PRR12: variants seen among roughly 807,000 people sequenced by gnomAD.
The protein encoded by PRR12 is proline rich 12.
PRR12 carries 12 observed loss-of-function variants against 138.0 expected under a neutral mutation model. That is an observed-to-expected ratio of 0.09 (90% CI 0.06 to 0.14). The LOEUF is 0.14. PRR12 is among the 10% of genes least tolerant of loss of function. PRR12 has a pLI of 1.00. For synonymous variants in PRR12, 1,567 were observed against 1,291.7 expected, an observed-to-expected ratio of 1.21 and a Z score of -4.57; for missense variants, 2,692 against 2,861.3, an observed-to-expected ratio of 0.94 and a Z score of 1.35.
intron 4 of PRR12, among the ~76,000 whole-genome samples, chr19:49,598,240 G>GT (rs201844794): frequency 3.3e-5 from 5 of 151,770 alleles, no homozygotes; most frequent in African/African-American, 1.2e-4. Context: ...CGCCCGGCTA[G>GT]TTTTTTTGTA....
chr19:49,607,694 C>T (rs1462204610), intron 6 of PRR12, among the ~76,000 whole-genome samples: 2 of 141,936 alleles, frequency 1.4e-5, no homozygotes, highest in African/African-American at 2.7e-5. Flanking sequence ...GGTGACAGAG[C>T]GAGACCCTGT....
chr19:49,626,196 A>G lies in PRR12; in HGVS notation c.*589A>G, dbSNP rs1458202438. ...AGGGTCCCCTCTCTCTGCCCCTCCCACTCCTTTTCTACGGCGATTTGTCTG... is the reference window on the plus strand; with the variant it reads ...AGGGTCCCCTCTCTCTGCCCCTCCCGCTCCTTTTCTACGGCGATTTGTCTG... On this transcript the variant is annotated 3_prime_UTR_variant, in exon 14 of 14. Coordinates refer to ENST00000418929, the MANE Select transcript of PRR12 (RefSeq NM_020719.3). 1.3e-5 allele frequency: 2 copies of G among 150,228 alleles called. No individual in the cohort carries two copies. The highest frequency in any genetic ancestry group is 3.0e-5 in the Non-Finnish European group (2 of 67,514). 9.3% of individuals were successfully genotyped at this position (150,228 alleles called of 1,614,324 possible). A position where few individuals can be genotyped will look rare whatever the true frequency, so the allele number is the denominator to read the frequency against.
chr19:49,609,206 C>A (rs2080853314), intron 6 of PRR12, among the ~76,000 whole-genome samples: 1 of 151,992 alleles, frequency 6.6e-6, no homozygotes, highest in Non-Finnish European at 1.5e-5. Flanking sequence ...TCCCAGCTAC[C>A]CTAGAGGCTG....
rs1426587168 is a variant in PRR12, at chr19:49,597,405, G to A, written c.3070G>A (p.Ala1024Thr). Reference sequence around the variant, plus strand: ...GCCTGAACTGCCCTCCACGGTCAACGCCGAGCCGCTGGGCCTGATCCAGAG... The same window carrying A: ...GCCTGAACTGCCCTCCACGGTCAACACCGAGCCGCTGGGCCTGATCCAGAG... ...KPPELPSTVN[A>T]EPLGLIQSGP... Residue 1024 changes from alanine (A) to threonine (T), a missense_variant, in exon 4 of 14, where the codon GCC (alanine) becomes ACC (threonine). By Grantham distance (58) the Ala-to-Thr change is moderately conservative. Transcript: ENST00000418929. This position sits in a 1 kb window ranked among gnomAD's most constrained non-coding sequence, Gnocchi z 6.3. The A allele has an allele frequency of 2.6e-6, 4 of 1,537,588 alleles. No homozygotes were observed. The highest frequency in any genetic ancestry group is 4.9e-5 in the East Asian group (2 of 40,836).
chr19:49,596,353 G>A lies in PRR12; in HGVS notation c.2018G>A (p.Gly673Glu), dbSNP rs1202941397. Residue 673 changes from glycine to glutamate, a missense_variant, in exon 4 of 14, where the codon GGA becomes GAA. Coordinates refer to ENST00000418929, the MANE Select transcript of PRR12 (RefSeq NM_020719.3). This position sits in a 1 kb window ranked among gnomAD's most constrained non-coding sequence, Gnocchi z 5.6. ...GEDGAADASK[G>E]LGGSGGAGGP... ...GACGGGGCAGCAGATGCCTCTAAGG[G>A]ACTTGGGGGGAGTGGCGGGGCCGGG... 6.2e-7 allele frequency: 1 copy of A among 1,609,640 alleles called. No individual in the cohort carries two copies. Among genetic ancestry groups the A allele is most frequent in the Non-Finnish European group, 8.5e-7 (1 of 1,179,514 alleles).
At position 49,614,695 on chromosome 19, in the gene PRR12, G is replaced by T. The variant is rs751376858; in HGVS notation, c.4890+46G>T. The stretch of plus-strand genomic sequence containing the variant: ...AAGGACTTGGGGGCCCCGGGGCGTG[G>T]TATCTAGGAGCTGGGGTTCCCCTTA... On this transcript the variant is annotated intron_variant, in intron 7 of 13. Coordinates refer to ENST00000418929, the MANE Select transcript of PRR12 (RefSeq NM_020719.3). This position sits in a 1 kb window ranked among gnomAD's most constrained non-coding sequence, Gnocchi z 5.0. The T allele has an allele frequency of 8.2e-5, 124 of 1,513,120 alleles. No homozygotes were observed. Among genetic ancestry groups the T allele is most frequent in the Non-Finnish European group, 1.0e-4 (114 of 1,115,428 alleles). 93.7% of individuals were successfully genotyped at this position (1,513,120 alleles called of 1,614,324 possible).
intron 6 of PRR12, among the ~76,000 whole-genome samples, chr19:49,609,859 G>T (rs1236661281): frequency 6.6e-6 from 1 of 152,178 alleles, no homozygotes; most frequent in Non-Finnish European, 1.5e-5. Flanking sequence ...GCCGTTTAGA[G>T]CCCCTGGCCA....
chr19:49,593,210 A>C (rs2080740951), intron 1 of PRR12, 117 bp from the exon 2 acceptor site: 2 of 609,970 alleles, frequency 3.3e-6, no homozygotes, highest in Non-Finnish European at 2.9e-6. Flanking sequence ...TCCTTAGCTT[A>C]ACACCCCCCA....
chr19:49,601,896 C>G lies in PRR12; in HGVS notation c.4751C>G (p.Ala1584Gly). The change falls in exon 6 of 14, where the codon GCT becomes GGT. Residue 1584 changes from alanine to glycine, a missense_variant. Physicochemically the swap from Ala to Gly is moderately conservative, Grantham distance 60. Around this residue, in one of 11 missense-constraint regions of PRR12, gnomAD observed 92 missense variants for 174.1 expected, o/e 0.53. Coordinates refer to ENST00000418929, the MANE Select transcript of PRR12 (RefSeq NM_020719.3). ...FRERDEFVIR[A>G]EDIPSLKLAL... ...GAACGGGACGAGTTCGTCATCCGTG[C>G]TGAGGACATCCCTTCCCTCAAGGTG... 1 of 1,612,014 alleles carries G rather than the reference C, an allele frequency of 6.2e-7. No homozygotes were observed. The highest frequency in any genetic ancestry group is 1.3e-5 in the African/African-American group (1 of 75,012).
intron 6 of PRR12, among the ~76,000 whole-genome samples, chr19:49,612,099 C>T (rs1458305002): frequency 6.6e-6 from 1 of 151,630 alleles, no homozygotes; most frequent in African/African-American, 2.4e-5. Flanking sequence ...AGCGTGGTGG[C>T]ATGTGCCTCT....
chr19:49,592,062 C>G (rs563668897), intron 1 of PRR12, among the ~76,000 whole-genome samples: 5 of 152,148 alleles, frequency 3.3e-5, no homozygotes, highest in Admixed American at 3.3e-4. Context: ...CTTGGATTCC[C>G]GGCTTGGTGA....
chr19:49,620,499 A>C (rs547291622), intron 10 of PRR12, 22 bp downstream of exon 10: 131 of 1,180,528 alleles, frequency 1.1e-4, no homozygotes, highest in East Asian at 2.3e-4. Context: ...CCTGGGGAGG[A>C]GGGGGGGGGG....
At position 49,595,465 on chromosome 19, in the gene PRR12, G is replaced by A. The variant is rs201908223; in HGVS notation, c.1130G>A (p.Gly377Asp). 1 of 1,549,968 alleles carries A rather than the reference G, an allele frequency of 6.5e-7. No homozygotes were observed. The highest frequency in any genetic ancestry group is 1.2e-5 in the South Asian group (1 of 84,122). ...AAGGGGAGGG[G>D]GGYRPIIQSP... ...GGGGGCGGTGGGGCTGGGGGTGGTG[G>A]TGGAGGTTACCGCCCCATCATTCAG... Residue 377 changes from glycine to aspartate, a missense_variant, in exon 4 of 14, where the codon GGT (glycine) becomes GAT (aspartate). By Grantham distance (94) the Gly-to-Asp change is moderately conservative. This residue lies in a region of PRR12 where 523 missense variants were observed against 496.4 expected (regional missense o/e 1.05). Coordinates refer to ENST00000418929, the MANE Select transcript of PRR12 (RefSeq NM_020719.3).
chr19:49,591,709 G>A lies in PRR12; in HGVS notation c.55G>A (p.Gly19Arg). The change falls in exon 1 of 14, where the codon GGA becomes AGA. Residue 19 changes from glycine (G) to arginine (R), a missense_variant. By Grantham distance (125) the Gly-to-Arg change is moderately radical. This residue lies in a region of PRR12 where 211 missense variants were observed against 266.3 expected (regional missense o/e 0.79). Coordinates refer to ENST00000418929, the MANE Select transcript of PRR12 (RefSeq NM_020719.3). ...CGGGGACCCGCTCGGCGCCGGGGCG[G>A]GATGGAGTTACGAGAGGTCAGCGAA... is the stretch of plus-strand genomic sequence containing the variant. ...GFGDPLGAGAGWSYERSAKAS... is the reference protein window; with the variant it reads ...GFGDPLGAGARWSYERSAKAS... The A allele has an allele frequency of 6.6e-7, 1 of 1,514,574 alleles. No homozygotes were observed. Among genetic ancestry groups the A allele is most frequent in the Non-Finnish European group, 8.8e-7 (1 of 1,131,856 alleles). The allele number at this position is 1,514,574 out of a possible 1,614,324, so 93.8% of individuals were successfully genotyped here. A position where few individuals can be genotyped will look rare whatever the true frequency, so the allele number is the denominator to read the frequency against.
At position 49,625,222 on chromosome 19, in the gene PRR12, C is replaced by T. The variant is rs1203651740; in HGVS notation, c.5964+22C>T. Reference sequence around the variant, plus strand: ...CCAGGTGAGCCCCACCCACAGCACCCATCGCCCTGGGATTCCAACCTTTCT... The same window carrying T: ...CCAGGTGAGCCCCACCCACAGCACCTATCGCCCTGGGATTCCAACCTTTCT... On this transcript the variant is annotated intron_variant, in intron 13 of 13. Coordinates refer to ENST00000418929, the MANE Select transcript of PRR12 (RefSeq NM_020719.3). This position sits in a 1 kb window ranked among gnomAD's most constrained non-coding sequence, Gnocchi z 5.5. 1 of 1,604,888 alleles carries T rather than the reference C, an allele frequency of 6.2e-7. No individual in the cohort carries two copies. Among genetic ancestry groups the T allele is most frequent in the South Asian group, 1.1e-5 (1 of 90,846 alleles).
Position 49,597,954 on chromosome 19 carries a change from C to A in PRR12, c.3619C>A (p.Arg1207=). 1 of 1,396,690 alleles carries A rather than the reference C, an allele frequency of 7.2e-7. No individual in the cohort carries two copies. The highest frequency in any genetic ancestry group is 1.7e-5 in the South Asian group (1 of 57,164). The allele number at this position is 1,396,690 out of a possible 1,614,324, so 86.5% of individuals were successfully genotyped here. A position where few individuals can be genotyped will look rare whatever the true frequency, so the allele number is the denominator to read the frequency against. ...AKKPRGRGRG[R]GRKAEEAGGT... is the part of the protein sequence containing the mutation. The stretch of plus-strand genomic sequence containing the variant: ...GAAACCCCGGGGCCGGGGCCGAGGC[C>A]GGGGTCGAAAGGCTGAGGAGGCAGG... Residue 1207 remains arginine (R), a synonymous_variant, in exon 4 of 14, where the codon CGG becomes AGG. Coordinates refer to ENST00000418929, the MANE Select transcript of PRR12 (RefSeq NM_020719.3). This position sits in a 1 kb window ranked among gnomAD's most constrained non-coding sequence, Gnocchi z 6.3.
Position 49,595,772 on chromosome 19 carries a change from C to T in PRR12, c.1437C>T (p.Pro479=), listed in dbSNP as rs2080763493. The T allele has an allele frequency of 6.2e-7, 1 of 1,600,186 alleles. No individual in the cohort carries two copies. The change falls in exon 4 of 14, where the codon CCC becomes CCT. Residue 479 remains proline (P), a synonymous_variant. Transcript: ENST00000418929. ...AAGCCCCCAGCTACTCAGGGGGCCC[C>T]CCACAGCCCCCCAGCGGCCCCCCTC... ...LSKAPSYSGG[P]PQPPSGPPPP... is the part of the protein sequence containing the mutation.
At chr19:49,603,289 C>T in intron 6 of PRR12, among the ~76,000 whole-genome samples, 1 of 152,256 alleles carries the variant, frequency 6.6e-6, no homozygotes, top group South Asian at 2.1e-4. Flanking sequence ...AGCCCATTCT[C>T]ACCCTGATGG....
intron 11 of PRR12, among the ~76,000 whole-genome samples, chr19:49,623,952 A>G (rs2080939448): frequency 7.2e-6 from 1 of 138,666 alleles, no homozygotes; most frequent in Non-Finnish European, 1.6e-5. Context: ...GGGGCTGGGA[A>G]TTCTGGGGTG....
Sources: gnomAD v4.1 joint callset for allele counts (sites outside exome capture counted in the v4.1 genomes callset) on GRCh38, gnomAD v4.1.1 for gene constraint, gnomAD v4.1.1 regional missense constraint, Gnocchi (gnomAD v3.1) non-coding constraint, MANE v1.5 for transcripts, NCBI Gene and HGNC (gene_info 2026-07-23, HGNC 2026-07-21) for gene names.